Variants in SNTB1 observed in about 807,000 individuals in gnomAD.
SNTB1 encodes the protein beta-1-syntrophin.
In SNTB1, 36 loss-of-function variants were observed where a neutral mutation model predicts 48.9. The observed-to-expected ratio is 0.74, with a 90% confidence interval of 0.56 to 0.97. The LOEUF is 0.97. Among genes scored for constraint, SNTB1 ranks in the 50% least tolerant of loss-of-function variants. The pLI, the probability that SNTB1 is intolerant of heterozygous loss-of-function variation, is 0.00. For synonymous variants in SNTB1, 299 were observed against 294.6 expected, an observed-to-expected ratio of 1.01 and a Z score of -0.15; for missense variants, 786 against 703.4, an observed-to-expected ratio of 1.12 and a Z score of -1.33.
intron 1 of SNTB1, among the ~76,000 whole-genome samples, chr8:120,717,636 A>G (rs1745282251): frequency 6.6e-6 from 1 of 152,130 alleles, no homozygotes; most frequent in Admixed American, 6.5e-5. Context: ...GAGTCCATAC[A>G]GTTGATTTGT....
chr8:120,657,973 T>A (rs1231758783), intron 2 of SNTB1, among the ~76,000 whole-genome samples: 1 of 152,220 alleles, frequency 6.6e-6, no homozygotes, highest in Non-Finnish European at 1.5e-5. Flanking sequence ...ATCATTCTAT[T>A]CTCAATAAAT....
At chr8:120,730,523 C>T (rs1818832929) in intron 1 of SNTB1, among the ~76,000 whole-genome samples, 1 of 152,054 alleles carries the variant, frequency 6.6e-6, no homozygotes, top group African/African-American at 2.4e-5. Context: ...AAGTGGTAAG[C>T]TTAAAACATA....
intron 3 of SNTB1, among the ~76,000 whole-genome samples, chr8:120,608,326 A>G (rs911055357): frequency 6.6e-5 from 10 of 152,230 alleles, no homozygotes; most frequent in Admixed American, 2.0e-4. Flanking sequence ...CCCAATTCAC[A>G]TGTAGAAGTC....
intron 2 of SNTB1, among the ~76,000 whole-genome samples, chr8:120,655,393 A>G (rs1320622666): frequency 1.3e-5 from 2 of 152,232 alleles, no homozygotes; most frequent in African/African-American, 4.8e-5. Context: ...TTGTTCCATG[A>G]AGAGGCAAAC....
intron 1 of SNTB1, among the ~76,000 whole-genome samples, chr8:120,730,241 C>A (rs938720919): frequency 2.0e-5 from 3 of 152,188 alleles, no homozygotes; most frequent in African/African-American, 7.2e-5. Context: ...CTCACTGCAA[C>A]GTCAGCCTCC....
At chr8:120,541,430 A>T (rs1037107191) in intron 6 of SNTB1, among the ~76,000 whole-genome samples, 4 of 152,096 alleles carry the variant, frequency 2.6e-5, no homozygotes, top group Non-Finnish European at 5.9e-5. Context: ...CCCTGACGGT[A>T]GGGACCATGT....
chr8:120,700,153 TTGCG>T (rs1328806087), intron 1 of SNTB1, among the ~76,000 whole-genome samples: 4 of 127,222 alleles, frequency 3.1e-5, no homozygotes, highest in Non-Finnish European at 4.8e-5. Context: ...TGAAAAAAAA[TTGCG>T]TGTGTGTGTG....
At chr8:120,693,628 C>G (rs1167232822) in intron 2 of SNTB1, 64 bp downstream of exon 2, 3 of 1,390,702 alleles carry the variant, frequency 2.2e-6, no homozygotes, top group Non-Finnish European at 1.0e-6. Flanking sequence ...CTCGTGAAAG[C>G]CCCCATTTAG....
chr8:120,537,824 G>A lies in SNTB1; in HGVS notation c.*1053C>T, dbSNP rs1815224255. ...GAATTCTGAAAGAACTGCAGATACT[G>A]TCAATAGATTTGATTATAGCATTCA... On this transcript the variant is annotated 3_prime_UTR_variant, in exon 7 of 7. Transcript: ENST00000517992. 6.6e-6 allele frequency: 1 copy of A among 152,222 alleles called. No homozygotes were observed. The highest frequency in any genetic ancestry group is 1.5e-5 in the Non-Finnish European group (1 of 68,042). The allele number at this position is 152,222 out of a possible 1,614,324, so 9.4% of individuals were successfully genotyped here.
rs750995345 is a variant in SNTB1, at chr8:120,811,541, C to T, written c.303G>A (p.Gln101=). The T allele has an allele frequency of 1.9e-6, 3 of 1,606,570 alleles. No individual in the cohort carries two copies. In the Admixed American group the frequency reaches 5.1e-5, roughly 27 times the overall value. ...VRTAFTDLPE[Q]VPESISNQKR... is the part of the protein sequence containing the mutation. ...TCTGGTTCGAGATGGACTCGGGCAC[C>T]TGCTCGGGCAGGTCGGTGAAAGCGG... Residue 101 remains glutamine, a synonymous_variant, in exon 1 of 7, where the codon CAG becomes CAA. Transcript: ENST00000517992.
chr8:120,647,189 A>G (rs1817312622), intron 2 of SNTB1, among the ~76,000 whole-genome samples: 1 of 133,652 alleles, frequency 7.5e-6, no homozygotes, highest in Non-Finnish European at 1.6e-5. Context: ...GATTTTAGTT[A>G]TTTCTTGACT....
intron 2 of SNTB1, among the ~76,000 whole-genome samples, chr8:120,689,286 T>A (rs1818086409): frequency 6.6e-6 from 1 of 152,192 alleles, no homozygotes; most frequent in Admixed American, 6.5e-5. Context: ...GTTCTCAGGT[T>A]TTAGCTCCCA....
Position 120,538,188 on chromosome 8 carries a change from C to T in SNTB1, c.*689G>A, listed in dbSNP as rs545203021. ...AAAGCTTATCAATTTAAGCAGTCTA[C>T]TTTGGCTCAGATTCTACCAGCTTAC... On this transcript the variant is annotated 3_prime_UTR_variant, in exon 7 of 7. Coordinates refer to ENST00000517992, the MANE Select transcript of SNTB1 (RefSeq NM_021021.4). 6.3e-6 allele frequency: 1 copy of T among 157,536 alleles called. No homozygotes were observed. The highest frequency in any genetic ancestry group is 1.4e-5 in the Non-Finnish European group (1 of 70,732). The allele number at this position is 157,536 out of a possible 1,614,324, so 9.8% of individuals were successfully genotyped here. A position where few individuals can be genotyped will look rare whatever the true frequency, so the allele number is the denominator to read the frequency against.
intron 1 of SNTB1, among the ~76,000 whole-genome samples, chr8:120,714,686 A>G (rs1818527444): frequency 6.6e-6 from 1 of 152,222 alleles, no homozygotes; most frequent in South Asian, 2.1e-4. Flanking sequence ...GTCTCTTGTC[A>G]AGGTGGTAAC....
chr8:120,706,045 C>T (rs1276923650), intron 1 of SNTB1, among the ~76,000 whole-genome samples: 2 of 151,916 alleles, frequency 1.3e-5, no homozygotes, highest in Non-Finnish European at 2.9e-5. Context: ...GCACCTATCT[C>T]TTAGGATTGT....
intron 1 of SNTB1, among the ~76,000 whole-genome samples, chr8:120,721,201 T>C (rs1198848566): frequency 6.6e-6 from 1 of 152,230 alleles, no homozygotes; most frequent in Non-Finnish European, 1.5e-5. Context: ...TTTCACTTTT[T>C]AATGAGAATT....
intron 1 of SNTB1, among the ~76,000 whole-genome samples, chr8:120,705,601 C>A (rs2129902786): frequency 6.6e-6 from 1 of 152,270 alleles, no homozygotes; most frequent in Non-Finnish European, 1.5e-5. Context: ...AGTCACATTG[C>A]AGAAAATAAT....
chr8:120,741,786 A>G (rs896850596), intron 1 of SNTB1, among the ~76,000 whole-genome samples: 12 of 152,240 alleles, frequency 7.9e-5, no homozygotes, highest in African/African-American at 1.7e-4. Flanking sequence ...TAGGACCTAC[A>G]TGCTAAGAAT....
chr8:120,695,189 AG>A (rs1460796731), intron 1 of SNTB1, among the ~76,000 whole-genome samples: 1 of 152,224 alleles, frequency 6.6e-6, no homozygotes. Flanking sequence ...TACAAATGGC[AG>A]TGAATTGGAA....
Sources: gnomAD v4.1 joint callset for allele counts (sites outside exome capture counted in the v4.1 genomes callset) on GRCh38, gnomAD v4.1.1 for gene constraint, MANE v1.5 for transcripts, NCBI Gene and HGNC (gene_info 2026-07-23, HGNC 2026-07-21) for gene names.